The following SMARCA2 variants were observed in gnomAD, a reference collection of about 807,000 sequenced individuals.
The protein encoded by SMARCA2 is SWI/SNF related BAF chromatin remodeling complex subunit ATPase 2, also known as SWI/SNF-related matrix-associated actin-dependent regulator of chromatin subfamily A member 2.
Under a neutral mutation model 199.8 loss-of-function variants are expected in SMARCA2, and 61 were observed. That is an observed-to-expected ratio of 0.31 (90% CI 0.25 to 0.38). SMARCA2 has a LOEUF of 0.38. Ranked by LOEUF, SMARCA2 falls within the 10% of genes least tolerant of loss-of-function variation. SMARCA2 has a pLI of 1.00. For missense variants in SMARCA2, 1,344 were observed against 2,012.2 expected (o/e 0.67, Z 6.35); for synonymous variants, 935 against 732.0 (o/e 1.28, Z -4.48).
At chr9:2,112,075 T>C (rs1020444777) in intron 24 of SMARCA2, among the ~76,000 whole-genome samples, 10 of 152,354 alleles carry the variant, frequency 6.6e-5, no homozygotes, top group African/African-American at 2.4e-4. Flanking sequence ...TTCATATTGA[T>C]GTGAGAGATC....
At chr9:2,025,133 G>A (rs1818771699) in intron 1 of SMARCA2, among the ~76,000 whole-genome samples, 1 of 152,192 alleles carries the variant, frequency 6.6e-6, no homozygotes, top group African/African-American at 2.4e-5. Context: ...TGGAGCTCTG[G>A]CAAGCTCCTC....
intron 20 of SMARCA2, 116 bp from the exon 21 acceptor site, chr9:2,097,269 G>A: frequency 1.5e-6 from 1 of 653,800 alleles, no homozygotes; most frequent in Non-Finnish European, 2.7e-6. Context: ...AGGTGTGTAG[G>A]TGACTGAAAA....
At chr9:2,109,345 C>G (rs1390834568) in intron 23 of SMARCA2, among the ~76,000 whole-genome samples, 1 of 150,506 alleles carries the variant, frequency 6.6e-6, no homozygotes, top group Non-Finnish European at 1.5e-5. Context: ...TTTTTTTTCT[C>G]CCCTTCCACA....
At position 2,186,233 on chromosome 9, in the gene SMARCA2, G is replaced by A. The variant is rs753781012; in HGVS notation, c.4594+5G>A. 4 of 1,612,930 alleles carry A rather than the reference G, an allele frequency of 2.5e-6. No homozygotes were observed. Among genetic ancestry groups the A allele is most frequent in the Non-Finnish European group, 3.4e-6 (4 of 1,179,276 alleles). ...AAGAAGAGTCAGAGTCCGAGGGTAA[G>A]CCCAGACATTCGGGTCCTGTACATC... On this transcript the variant is annotated splice_donor_5th_base_variant and intron_variant, in intron 32 of 33. Transcript: ENST00000349721.
chr9:2,130,756 C>T (rs1164089019), intron 27 of SMARCA2, among the ~76,000 whole-genome samples: 1 of 152,086 alleles, frequency 6.6e-6, no homozygotes, highest in Non-Finnish European at 1.5e-5. Context: ...TGCGCATGCA[C>T]AAGAAATGGC....
chr9:2,132,959 G>A (rs961009257), intron 27 of SMARCA2, among the ~76,000 whole-genome samples: 2 of 152,066 alleles, frequency 1.3e-5, no homozygotes, highest in African/African-American at 4.8e-5. Flanking sequence ...AGTCCTCAGA[G>A]GTCTGACGGA....
chr9:2,191,580 C>G (rs1437999016), intron 33 of SMARCA2, 172 bp downstream of exon 33: 4 of 663,776 alleles, frequency 6.0e-6, no homozygotes, highest in Non-Finnish European at 7.5e-6. Context: ...TGATTTAGAA[C>G]AAAGGATTGG....
In SMARCA2 at chr9:2,091,937, G is replaced by A. The variant is rs78423828; in HGVS notation, c.2883+3324G>A. The stretch of plus-strand genomic sequence containing the variant: ...ACGGTTTTGTAAATGCAGGTCAACC[G>A]CATAGGAAAATTAGCTTTAATATTG... On this transcript the variant is annotated intron_variant, in intron 19 of 33. Coordinates refer to ENST00000349721, the MANE Select transcript of SMARCA2 (RefSeq NM_003070.5). Among the ~76,000 whole-genome samples the A allele has an allele frequency of 3.9e-5, 6 of 152,254 alleles. No individual in the cohort carries two copies. In the East Asian group the frequency reaches 5.8e-4, roughly 15 times the overall value.
intron 9 of SMARCA2, among the ~76,000 whole-genome samples, chr9:2,062,449 A>G (rs1299024329): frequency 6.6e-6 from 1 of 152,210 alleles, no homozygotes; most frequent in Non-Finnish European, 1.5e-5. Context: ...ATGGCTTACA[A>G]TTAATAGATT....
chr9:2,158,654 T>G (rs910312196), intron 27 of SMARCA2: 11 of 276,166 alleles, frequency 4.0e-5, no homozygotes, highest in Admixed American at 2.1e-4. Context: ...AGTTTTGGGG[T>G]TTTTTTTGTG....
Position 2,071,027 on chromosome 9 carries a change from A to AT in SMARCA2, c.1746+563dup, listed in dbSNP as rs545378921. On this transcript the variant is annotated intron_variant, in intron 10 of 33. Coordinates refer to ENST00000349721, the MANE Select transcript of SMARCA2 (RefSeq NM_003070.5). ...TATGAGGATACAATTAATTTATTGG[A>AT]TTTTTTTCTGAAGAATTTAAGGTTC... Among the ~76,000 whole-genome samples the AT allele has an allele frequency of 1.1e-4, 16 of 152,228 alleles. No homozygotes were observed. The East Asian group carries it at 1.4e-3, about 13-fold the overall frequency.
At chr9:2,184,863 G>T (rs7870792) in intron 31 of SMARCA2, among the ~76,000 whole-genome samples, 94,900 of 147,406 alleles carry the variant, frequency 0.64, 29,931 homozygotes, top group South Asian at 0.73. Context: ...TCTCTCTCTC[G>T]CGCGGGTCCT....
At chr9:2,058,513 T>C (rs764878774) in intron 8 of SMARCA2, 49 bp downstream of exon 8, 17 of 1,485,454 alleles carry the variant, frequency 1.1e-5, no homozygotes, top group Admixed American at 1.8e-5. Context: ...CCCACGTCCG[T>C]CTGCAATGAG....
intron 9 of SMARCA2, among the ~76,000 whole-genome samples, chr9:2,067,186 C>T (rs1328610898): frequency 6.6e-6 from 1 of 152,178 alleles, no homozygotes; most frequent in East Asian, 1.9e-4. Context: ...TAATTGTGTG[C>T]GTGCTTTTAA....
Position 2,172,062 on chromosome 9 carries a change from T to C in SMARCA2, c.4253+1590T>C, listed in dbSNP as rs555024073. On this transcript the variant is annotated intron_variant, in intron 29 of 33. Transcript: ENST00000349721. ...TGGTGTTTGCTTCCTCAGGGCTCTCTGGAGTCTGTCTTGTCCCTTGCTGTC... is the reference window on the plus strand; with the variant it reads ...TGGTGTTTGCTTCCTCAGGGCTCTCCGGAGTCTGTCTTGTCCCTTGCTGTC... Among the ~76,000 whole-genome samples the C allele has an allele frequency of 1.2e-4, 18 of 152,334 alleles. No individual in the cohort carries two copies. The South Asian group carries it at 3.3e-3, about 28-fold the overall frequency.
intron 27 of SMARCA2, among the ~76,000 whole-genome samples, chr9:2,135,588 AT>A (rs1165657432): frequency 1.3e-5 from 2 of 152,178 alleles, no homozygotes; most frequent in Non-Finnish European, 2.9e-5. Flanking sequence ...AGCAGCTATT[AT>A]GGAGTACAGT....
rs1388408174 is a variant in SMARCA2, at chr9:2,097,480, G to A, written c.3078+9G>A. Reference sequence around the variant, plus strand: ...TGTTTCAGCACATTGAGGTAAGTCTGTATTGTGTGTTTTGAGCCTGATTGT... The same window carrying A: ...TGTTTCAGCACATTGAGGTAAGTCTATATTGTGTGTTTTGAGCCTGATTGT... On this transcript the variant is annotated intron_variant, in intron 21 of 33. Transcript: ENST00000349721. 3 of 1,555,902 alleles carry A rather than the reference G, an allele frequency of 1.9e-6. No individual in the cohort carries two copies. Among genetic ancestry groups the A allele is most frequent in the East Asian group, 2.2e-5 (1 of 44,450 alleles).
intron 27 of SMARCA2, among the ~76,000 whole-genome samples, chr9:2,129,408 ACT>A (rs896202184): frequency 4.6e-5 from 7 of 151,964 alleles, no homozygotes; most frequent in African/African-American, 1.7e-4. Flanking sequence ...ACACAGCGAG[ACT>A]CCATCTCGAA....
At chr9:2,127,832 T>C (rs1340184170) in intron 27 of SMARCA2, among the ~76,000 whole-genome samples, 1 of 152,208 alleles carries the variant, frequency 6.6e-6, no homozygotes, top group Non-Finnish European at 1.5e-5. Context: ...GGTTTTATTT[T>C]GTAATCATGG....
Sources: allele counts gnomAD v4.1 joint callset (sites outside exome capture counted in the v4.1 genomes callset), GRCh38; gene constraint gnomAD v4.1.1; transcripts MANE v1.5; gene names NCBI Gene and HGNC (gene_info 2026-07-23, HGNC 2026-07-21).